The following COL1A1 variants were observed in gnomAD, a reference collection of about 807,000 sequenced individuals.
COL1A1 encodes collagen type I alpha 1 chain, also known as collagen alpha-1(I) chain.
Under a neutral mutation model 195.7 loss-of-function variants are expected in COL1A1, and 21 were observed. The observed-to-expected ratio is 0.11, with a 90% CI of 0.08 to 0.15. The LOEUF (loss-of-function observed/expected upper bound fraction) is 0.15. Ranked by LOEUF, COL1A1 falls within the 10% of genes least tolerant of loss-of-function variation. The probability of loss-of-function intolerance (pLI) is 1.00; values close to 1 mark genes in which losing one functional copy is unlikely to be tolerated. For missense variants in COL1A1, 1,365 were observed against 2,051.0 expected, an observed-to-expected ratio of 0.67 and a Z score of 6.46; for synonymous variants, 749 against 747.3, an observed-to-expected ratio of 1.00 and a Z score of -0.04.
In COL1A1 at chr17:50,190,579, G is replaced by T. The variant is rs781457915; in HGVS notation, c.2361C>A (p.Ser787Arg). The change falls in exon 34 of 51, where the codon AGC becomes AGA. Residue 787 changes from serine (S) to arginine (R), a missense_variant. Ser to Arg is a moderately radical substitution (Grantham distance 110). This residue lies in a region of COL1A1 where 671 missense variants were observed against 1,099.9 expected (regional missense o/e 0.61). Transcript: ENST00000225964. The surrounding 1 kb of genome is among the most constrained non-coding windows in gnomAD (Gnocchi z 4.7). ...APGDKGESGP[S>R]GPAGPTGARG... ...GAGCTCCAGTGGGACCAGCAGGGCC[G>T]CTGGGACCACTTTCACCCTGAGAGC... 2 of 1,612,508 alleles carry T rather than the reference G, an allele frequency of 1.2e-6. No individual in the cohort carries two copies. The highest frequency in any genetic ancestry group is 1.7e-6 in the Non-Finnish European group (2 of 1,179,188).
chr17:50,190,320 T>C lies in COL1A1; in HGVS notation c.2451+7A>G, dbSNP rs780618538. On this transcript the variant is annotated splice_region_variant and intron_variant, in intron 35 of 50. Coordinates refer to ENST00000225964, the MANE Select transcript of COL1A1 (RefSeq NM_000088.4). The surrounding 1 kb of genome is among the most constrained non-coding windows in gnomAD (Gnocchi z 4.7). ...TGATGAAAAATGATGGGGGTCTTGG[T>C]ACTCACAGGGGGGCCAGCAAAGCCA... 1.9e-6 allele frequency: 3 copies of C among 1,568,920 alleles called. 1 individual carries two copies. The South Asian group carries it at 3.3e-5, about 17-fold the overall frequency.
chr17:50,194,549 C>G lies in COL1A1; in HGVS notation c.1515+24G>C. 1 of 1,602,348 alleles carries G rather than the reference C, an allele frequency of 6.2e-7. No homozygotes were observed. Among genetic ancestry groups the G allele is most frequent in the Non-Finnish European group, 8.5e-7 (1 of 1,174,556 alleles). On this transcript the variant is annotated intron_variant, in intron 22 of 50. Coordinates refer to ENST00000225964, the MANE Select transcript of COL1A1 (RefSeq NM_000088.4). The surrounding 1 kb of genome is among the most constrained non-coding windows in gnomAD (Gnocchi z 6.8). ...ATGCCCAGGGAGCGGCAGGGTCAGC[C>G]CCCCGGCCGCAAGGAGAGGTTACCT...
In COL1A1 at chr17:50,196,598, T is replaced by C. The variant is rs1907612606; in HGVS notation, c.858+19A>G. ...ACTCTGGGGATGTGGAGGACCATGATGTTCAGACAGCCTCTTACCTTAGGA... is the reference window on the plus strand; with the variant it reads ...ACTCTGGGGATGTGGAGGACCATGACGTTCAGACAGCCTCTTACCTTAGGA... On this transcript the variant is annotated intron_variant, in intron 12 of 50. Coordinates refer to ENST00000225964, the MANE Select transcript of COL1A1 (RefSeq NM_000088.4). 5.0e-6 allele frequency: 8 copies of C among 1,614,020 alleles called. No homozygotes were observed. The highest frequency in any genetic ancestry group is 1.1e-5 in the South Asian group (1 of 91,092).
chr17:50,198,181 G>C lies in COL1A1; in HGVS notation c.568C>G (p.Pro190Ala). 1 of 1,614,098 alleles carries C rather than the reference G, an allele frequency of 6.2e-7. No individual in the cohort carries two copies. Among genetic ancestry groups the C allele is most frequent in the Non-Finnish European group, 8.5e-7 (1 of 1,180,004 alleles). Residue 190 changes from proline to alanine, a missense_variant, in exon 7 of 51, where the codon CCT becomes GCT. This residue lies in a region of COL1A1 where 226 missense variants were observed against 372.9 expected (regional missense o/e 0.61). Transcript: ENST00000225964. ...CTCACAGGTGCACCAGGGGGGCCAGGGAGACCACGAGGACCAGAGGGACCC... is the reference window on the plus strand; with the variant it reads ...CTCACAGGTGCACCAGGGGGGCCAGCGAGACCACGAGGACCAGAGGGACCC... The part of the protein sequence containing the change: ...PMGPSGPRGL[P>A]GPPGAPGPQG...
rs374996143 is a variant in COL1A1 at position 50,189,828 on chromosome 17, G to A, written c.2613+31C>T. 3 of 1,612,592 alleles carry A rather than the reference G, an allele frequency of 1.9e-6. No individual in the cohort carries two copies. In the African/African-American group the frequency reaches 4.0e-5, roughly 22 times the overall value. ...GCCACCGCTGCCTGGGGAGAGGGGA[G>A]AGGCTCAACAGAGAGGCGGGTGATA... On this transcript the variant is annotated intron_variant, in intron 37 of 50. Transcript: ENST00000225964. This position sits in a 1 kb window ranked among gnomAD's most constrained non-coding sequence, Gnocchi z 5.5.
chr17:50,191,570 C>G, intron 31 of COL1A1, 80 bp from the exon 32 acceptor site: 2 of 1,369,030 alleles, frequency 1.5e-6, no homozygotes, highest in Admixed American at 1.7e-5. Context: ...CTTGGTATCT[C>G]CCAGGCTTGT....
In COL1A1 at chr17:50,195,172, G is replaced by T; in HGVS notation, c.1299+60C>A. ...TTGGCCTGCGTCTTCCTGCTCCCCA[G>T]ATGAGAGCCGCACTGGAGCCAGTGC... is the stretch of plus-strand genomic sequence containing the variant. On this transcript the variant is annotated intron_variant, in intron 19 of 50. Coordinates refer to ENST00000225964, the MANE Select transcript of COL1A1 (RefSeq NM_000088.4). This position sits in a 1 kb window ranked among gnomAD's most constrained non-coding sequence, Gnocchi z 4.3. 3 of 1,605,160 alleles carry T rather than the reference G, an allele frequency of 1.9e-6. No homozygotes were observed. Among genetic ancestry groups the T allele is most frequent in the Non-Finnish European group, 1.7e-6 (2 of 1,172,182 alleles).
chr17:50,201,454 C>A lies in COL1A1; in HGVS notation c.60G>T (p.Thr20=). 6.2e-7 allele frequency: 1 copy of A among 1,613,504 alleles called. No homozygotes were observed. The highest frequency in any genetic ancestry group is 1.1e-5 in the South Asian group (1 of 91,062). The change falls in exon 1 of 51, where the codon ACG becomes ACT. Residue 20 remains threonine (T), a synonymous_variant. Coordinates refer to ENST00000225964, the MANE Select transcript of COL1A1 (RefSeq NM_000088.4). The stretch of plus-strand genomic sequence containing the variant: ...CGACTTGGCCTTCCTCTTGGCCGTG[C>A]GTCAGGAGGGCGGTGGCCGCTAAGA... ...LLLLAATALL[T]HGQEEGQVEG... is the part of the protein sequence containing the mutation.
intron 8 of COL1A1, 45 bp from the exon 9 acceptor site, chr17:50,197,830 A>AT (rs1432378772): frequency 4.4e-6 from 7 of 1,602,740 alleles, no homozygotes; most frequent in Non-Finnish European, 6.0e-6. Flanking sequence ...TAAGAAAAAA[A>AT]GAAGGGGAAG....
rs773330028 is a variant in COL1A1 at position 50,188,718 on chromosome 17, G to C, written c.3099+24C>G. On this transcript the variant is annotated intron_variant, in intron 42 of 50. Transcript: ENST00000225964. The surrounding 1 kb of genome is among the most constrained non-coding windows in gnomAD (Gnocchi z 5.6). ...GCAGGGAAGCAGCAGACAAGGCTGT[G>C]GTCATGGAGTGTTGCCATCTTACCT... is the stretch of plus-strand genomic sequence containing the variant. The C allele has an allele frequency of 2.5e-6, 4 of 1,614,018 alleles. No individual in the cohort carries two copies. Among genetic ancestry groups the C allele is most frequent in the Non-Finnish European group, 3.4e-6 (4 of 1,179,878 alleles).
At position 50,199,966 on chromosome 17, in the gene COL1A1, G is replaced by A. The variant is rs1445327445; in HGVS notation, c.104-19C>T. Reference sequence around the variant, plus strand: ...GGTGGGACTGGGACAGGCGGAAGAGGGGCGTTGTCAGTAGTGACTGCAACC... The same window carrying A: ...GGTGGGACTGGGACAGGCGGAAGAGAGGCGTTGTCAGTAGTGACTGCAACC... On this transcript the variant is annotated intron_variant, in intron 1 of 50. Coordinates refer to ENST00000225964, the MANE Select transcript of COL1A1 (RefSeq NM_000088.4). 6.2e-7 allele frequency: 1 copy of A among 1,613,688 alleles called. No individual in the cohort carries two copies. Among genetic ancestry groups the A allele is most frequent in the Admixed American group, 1.7e-5 (1 of 60,032 alleles).
chr17:50,185,573 C>T lies in COL1A1; in HGVS notation c.4324G>A (p.Val1442Met), dbSNP rs1906425111. The T allele has an allele frequency of 3.1e-6, 5 of 1,613,212 alleles. No homozygotes were observed. In the South Asian group the frequency reaches 3.3e-5, roughly 11 times the overall value. Residue 1442 changes from valine (V) to methionine (M), a missense_variant, in exon 51 of 51, where the codon GTG becomes ATG. Around this residue, in one of 5 missense-constraint regions of COL1A1, gnomAD observed 273 missense variants for 338.6 expected, o/e 0.81. Transcript: ENST00000225964. ...GGGGCACCAACGTCCAAGGGGGCCA[C>T]ATCGATGATGGGCAGGCGGGAGGTC... ...TKTSRLPIID[V>M]APLDVGAPDQ...
At position 50,194,443 on chromosome 17, in the gene COL1A1, G is replaced by A. The variant is rs755601552; in HGVS notation, c.1520C>T (p.Pro507Leu). The change falls in exon 23 of 51, where the codon CCC becomes CTC. Residue 507 changes from proline to leucine, a missense_variant. By Grantham distance (98) the Pro-to-Leu change is moderately conservative. Around this residue, in one of 5 missense-constraint regions of COL1A1, gnomAD observed 671 missense variants for 1,099.9 expected, o/e 0.61. Transcript: ENST00000225964. The surrounding 1 kb of genome is among the most constrained non-coding windows in gnomAD (Gnocchi z 6.8). ...GADGVAGPKG[P>L]AGERGSPGPA... ...GCCAGGAGAACCACGTTCACCAGCGGGACCCTGGTTGGGGGAAGTCACAGG... is the reference window on the plus strand; with the variant it reads ...GCCAGGAGAACCACGTTCACCAGCGAGACCCTGGTTGGGGGAAGTCACAGG... The A allele has an allele frequency of 2.5e-6, 4 of 1,613,996 alleles. No individual in the cohort carries two copies. Among genetic ancestry groups the A allele is most frequent in the African/African-American group, 2.7e-5 (2 of 74,926 alleles).
At chr17:50,197,823 GA>G (rs1907728091) in intron 8 of COL1A1, 38 bp from the exon 9 acceptor site, 2 of 1,604,948 alleles carry the variant, frequency 1.2e-6, no homozygotes, top group African/African-American at 1.4e-5. Context: ...ATATGGATAA[GA>G]AAAAAAGAAG....
chr17:50,192,728 C>A, intron 27 of COL1A1, 35 bp from the exon 28 acceptor site: 1 of 1,613,962 alleles, frequency 6.2e-7, no homozygotes, highest in Non-Finnish European at 8.5e-7. Flanking sequence ...ACGGGGAGGC[C>A]GAGGAGACGA....
rs41316713 is a variant in COL1A1 at position 50,187,485 on chromosome 17, C to T, written c.3422G>A (p.Arg1141Gln). The change falls in exon 46 of 51, where the codon CGA (arginine) becomes CAA (glutamine). Residue 1141 changes from arginine to glutamine, a missense_variant and splice_region_variant. By Grantham distance (43) the Arg-to-Gln change is conservative. Coordinates refer to ENST00000225964, the MANE Select transcript of COL1A1 (RefSeq NM_000088.4). ...GAGGAGAGAGAAGGCATGACTTACT[C>T]GGGGACCAGCAGGACCAGAGGCTCC... is the stretch of plus-strand genomic sequence containing the variant. ...PSGASGPAGPRGPPGSAGAPG... is the reference protein window; with the variant it reads ...PSGASGPAGPQGPPGSAGAPG... 21 of 1,613,996 alleles carry T rather than the reference C, an allele frequency of 1.3e-5. No homozygotes were observed. The highest frequency in any genetic ancestry group is 3.3e-4 in the Middle Eastern group (2 of 6,046).
Position 50,186,983 on chromosome 17 carries a change from G to T in COL1A1, c.3531+32C>A. 8 of 1,610,268 alleles carry T rather than the reference G, an allele frequency of 5.0e-6. No individual in the cohort carries two copies. The highest frequency in any genetic ancestry group is 6.8e-6 in the Non-Finnish European group (8 of 1,177,140). On this transcript the variant is annotated intron_variant, in intron 47 of 50. Coordinates refer to ENST00000225964, the MANE Select transcript of COL1A1 (RefSeq NM_000088.4). The surrounding 1 kb of genome is among the most constrained non-coding windows in gnomAD (Gnocchi z 5.3). ...ATCCAAGTGCTTTGGGGGCTGGAGG[G>T]CCATGAGCAGAGGGGATGAGGGGCT...
rs535579723 is a variant in COL1A1 at position 50,193,844 on chromosome 17, C to A, written c.1767+99G>T. ...CAGAAAGTGAGAGTGAGTGGCCACACGGCAGGTCAGCGGCACAGCTGAGCC... is the reference window on the plus strand; with the variant it reads ...CAGAAAGTGAGAGTGAGTGGCCACAAGGCAGGTCAGCGGCACAGCTGAGCC... On this transcript the variant is annotated intron_variant, in intron 25 of 50. Coordinates refer to ENST00000225964, the MANE Select transcript of COL1A1 (RefSeq NM_000088.4). 4.7e-6 allele frequency: 5 copies of A among 1,070,576 alleles called. No individual in the cohort carries two copies. In the African/African-American group the frequency reaches 6.2e-5, roughly 13 times the overall value. The allele number at this position is 1,070,576 out of a possible 1,614,324, so 66.3% of individuals were successfully genotyped here.
rs527624280 is a variant in COL1A1, at chr17:50,194,229, T to C, written c.1615-46A>G. On this transcript the variant is annotated intron_variant, in intron 23 of 50. Coordinates refer to ENST00000225964, the MANE Select transcript of COL1A1 (RefSeq NM_000088.4). This position sits in a 1 kb window ranked among gnomAD's most constrained non-coding sequence, Gnocchi z 6.8. ...GAGTGGGACTTGGGGAGAAGCATGA[T>C]GGAGGTGGGGGAGGACTCCAGAGGG... is the stretch of plus-strand genomic sequence containing the variant. The C allele has an allele frequency of 6.2e-7, 1 of 1,600,324 alleles. No individual in the cohort carries two copies. Among genetic ancestry groups the C allele is most frequent in the Admixed American group, 1.7e-5 (1 of 59,840 alleles).
Sources: allele counts gnomAD v4.1 joint callset, GRCh38; gene constraint gnomAD v4.1.1; regional missense constraint gnomAD v4.1.1; non-coding constraint Gnocchi (gnomAD v3.1); transcripts MANE v1.5; gene names NCBI Gene and HGNC (gene_info 2026-07-23, HGNC 2026-07-21).